FRG2B: variants seen among roughly 807,000 people sequenced by gnomAD.
FRG2B encodes protein FRG2-like-1.
For missense variants in FRG2B, 95 were observed against 310.7 expected (o/e 0.31, Z 5.22); for synonymous variants, 33 against 117.1 (o/e 0.28, Z 4.64).
chr10:133,625,005 A>G lies in FRG2B; in HGVS notation c.*94T>C. On this transcript the variant is annotated 3_prime_UTR_variant, in exon 4 of 4. Coordinates refer to ENST00000425520, the MANE Select transcript of FRG2B (RefSeq NM_001080998.2). ...CATTTATTAACACAGTGTGTCTAAA[A>G]TTGTCACTGCTGGTCATCTGGAAGA... is the stretch of plus-strand genomic sequence containing the variant. 4.8e-6 allele frequency: 2 copies of G among 418,674 alleles called. No homozygotes were observed. The highest frequency in any genetic ancestry group is 3.0e-5 in the South Asian group (1 of 33,494). The allele number at this position is 418,674 out of a possible 1,614,324, so 25.9% of individuals were successfully genotyped here.
In FRG2B at chr10:133,624,783, G is replaced by T. The variant is rs1339355854; in HGVS notation, c.*316C>A. 4.5e-6 allele frequency: 1 copy of T among 224,282 alleles called. No individual in the cohort carries two copies. The highest frequency in any genetic ancestry group is 6.8e-5 in the South Asian group (1 of 14,606). The allele number at this position is 224,282 out of a possible 1,614,324, so 13.9% of individuals were successfully genotyped here. A position where few individuals can be genotyped will look rare whatever the true frequency, so the allele number is the denominator to read the frequency against. ...TTTACTTTTCTACAATCTAAAATAT[G>T]CAAATTCACGATTACATTCTAATGT... On this transcript the variant is annotated 3_prime_UTR_variant, in exon 4 of 4. Transcript: ENST00000425520.
chr10:133,625,352 G>C lies in FRG2B; in HGVS notation c.584C>G (p.Ala195Gly). 1.2e-6 allele frequency: 2 copies of C among 1,602,922 alleles called. No individual in the cohort carries two copies. The highest frequency in any genetic ancestry group is 2.3e-5 in the South Asian group (2 of 88,498). ...AVYQDLAQVW[A>G]QQIHSPLTCE... ...GGTAAGTGGAGAATGGATCTGCTGTGCCCACACCTGGGCTAGGTCTTGATA... is the reference window on the plus strand; with the variant it reads ...GGTAAGTGGAGAATGGATCTGCTGTCCCCACACCTGGGCTAGGTCTTGATA... The change falls in exon 4 of 4, where the codon GCA becomes GGA. Residue 195 changes from alanine (A) to glycine (G), a missense_variant. Physicochemically the swap from Ala to Gly is moderately conservative, Grantham distance 60 (BLOSUM62 0). Coordinates refer to ENST00000425520, the MANE Select transcript of FRG2B (RefSeq NM_001080998.2).
Position 133,625,493 on chromosome 10 carries a change from C to T in FRG2B, c.443G>A (p.Arg148His), listed in dbSNP as rs1296108284. The stretch of plus-strand genomic sequence containing the variant: ...GCTGCGCCCAGTGCAAGCCCTGGAA[C>T]GTCCCCTATGGTGGGCATCACAGGT... ...QETCDAHHRGRSRACTGRSKR... is the reference protein window; with the variant it reads ...QETCDAHHRGHSRACTGRSKR... The change falls in exon 4 of 4, where the codon CGT (arginine) becomes CAT (histidine). Residue 148 changes from arginine to histidine, a missense_variant. By Grantham distance (29) the Arg-to-His change is conservative (BLOSUM62 0). Coordinates refer to ENST00000425520, the MANE Select transcript of FRG2B (RefSeq NM_001080998.2). 8 of 1,611,486 alleles carry T rather than the reference C, an allele frequency of 5.0e-6. No individual in the cohort carries two copies. Among genetic ancestry groups the T allele is most frequent in the South Asian group, 3.3e-5 (3 of 90,486 alleles).
Position 133,625,537 on chromosome 10 carries a change from G to C in FRG2B, c.399C>G (p.His133Gln). Reference sequence around the variant, plus strand: ...CACAGGTCTCCTGGATTTCACTGTTGTGCACAGGAGTGGAGGATCTTGATT... The same window carrying C: ...CACAGGTCTCCTGGATTTCACTGTTCTGCACAGGAGTGGAGGATCTTGATT... Reference protein sequence around the residue: ...NKKSRSSTPVHNSEIQETCDA... With the variant: ...NKKSRSSTPVQNSEIQETCDA... Residue 133 changes from histidine to glutamine, a missense_variant, in exon 4 of 4, where the codon CAC becomes CAG. By Grantham distance (24) the His-to-Gln change is conservative. Transcript: ENST00000425520. 2 of 1,587,730 alleles carry C rather than the reference G, an allele frequency of 1.3e-6. No homozygotes were observed. Among genetic ancestry groups the C allele is most frequent in the Non-Finnish European group, 1.7e-6 (2 of 1,167,572 alleles).
At chr10:133,626,526 C>T in intron 1 of FRG2B, 39 bp downstream of exon 1, 1 of 1,613,868 alleles carries the variant, frequency 6.2e-7, no homozygotes. Flanking sequence ...TGATTCCAAC[C>T]CTCCTTCCAG....
chr10:133,626,780 C>G lies in FRG2B; in HGVS notation c.-38G>C. On this transcript the variant is annotated 5_prime_UTR_variant, in exon 1 of 4. Coordinates refer to ENST00000425520, the MANE Select transcript of FRG2B (RefSeq NM_001080998.2). ...GTGAAAGGTGCGCTCTCTCTCACGT[C>G]CAAAGGCAGAGTGTGGGTTAGTCTG... 6.2e-7 allele frequency: 1 copy of G among 1,601,688 alleles called. No homozygotes were observed. Among genetic ancestry groups the G allele is most frequent in the South Asian group, 1.1e-5 (1 of 88,062 alleles).
In FRG2B at chr10:133,625,456, C is replaced by T. The variant is rs754238969; in HGVS notation, c.480G>A (p.Arg160=). Reference sequence around the variant, plus strand: ...GTGTTTGGACTCCTAGGGCCCGAGACCTATGCCGCTTGCTGCGCCCAGTGC... The same window carrying T: ...GTGTTTGGACTCCTAGGGCCCGAGATCTATGCCGCTTGCTGCGCCCAGTGC... ...RACTGRSKRH[R]SRALGVQTPS... Residue 160 remains arginine, a synonymous_variant, in exon 4 of 4, where the codon AGG becomes AGA. Coordinates refer to ENST00000425520, the MANE Select transcript of FRG2B (RefSeq NM_001080998.2). 5.5e-6 allele frequency: 5 copies of T among 904,432 alleles called. No homozygotes were observed. The South Asian group carries it at 1.2e-4, about 22-fold the overall frequency. 56.0% of individuals were successfully genotyped at this position (904,432 alleles called of 1,614,324 possible). A position where few individuals can be genotyped will look rare whatever the true frequency, so the allele number is the denominator to read the frequency against.
In FRG2B at chr10:133,624,408, C is replaced by A. The variant is rs1852481767; in HGVS notation, c.*691G>T. ...TGGGTTCAGGCTGGAAGAGTGAGAG[C>A]CTACAACCTTTTCTGGATTAAAAGA... On this transcript the variant is annotated 3_prime_UTR_variant, in exon 4 of 4. Transcript: ENST00000425520. 2 of 93,866 alleles carry A rather than the reference C, an allele frequency of 2.1e-5. 1 individual carries two copies. The highest frequency in any genetic ancestry group is 1.5e-4 in the African/African-American group (2 of 13,740). 5.8% of individuals were successfully genotyped at this position (93,866 alleles called of 1,614,324 possible). A position where few individuals can be genotyped will look rare whatever the true frequency, so the allele number is the denominator to read the frequency against.
rs2133676209 is a variant in FRG2B at position 133,624,731 on chromosome 10, A to C, written c.*368T>G. ...ATAGCAAGACTGTCTCAAAAAAAAAAACAAAAAAGGAGCACATAATTTTAT... is the reference window on the plus strand; with the variant it reads ...ATAGCAAGACTGTCTCAAAAAAAAACACAAAAAAGGAGCACATAATTTTAT... On this transcript the variant is annotated 3_prime_UTR_variant, in exon 4 of 4. Transcript: ENST00000425520. The C allele has an allele frequency of 3.7e-6, 1 of 269,954 alleles. No homozygotes were observed. The highest frequency in any genetic ancestry group is 4.4e-5 in the South Asian group (1 of 22,946). The allele number at this position is 269,954 out of a possible 1,614,324, so 16.7% of individuals were successfully genotyped here. A position where few individuals can be genotyped will look rare whatever the true frequency, so the allele number is the denominator to read the frequency against.
Position 133,625,469 on chromosome 10 carries a change from C to CT in FRG2B, c.466dup (p.Ser156LysfsTer5), listed in dbSNP as rs1852493026. On this transcript the variant is annotated frameshift_variant, in exon 4 of 4. Coordinates refer to ENST00000425520, the MANE Select transcript of FRG2B (RefSeq NM_001080998.2). LOFTEE classifies it low-confidence loss of function (END_TRUNC). ...TAGGGCCCGAGACCTATGCCGCTTGCTGCGCCCAGTGCAAGCCCTGGAACG... is the reference window on the plus strand; with the variant it reads ...TAGGGCCCGAGACCTATGCCGCTTGCTTGCGCCCAGTGCAAGCCCTGGAACG... The CT allele has an allele frequency of 6.2e-7, 1 of 1,611,780 alleles. No individual in the cohort carries two copies. Among genetic ancestry groups the CT allele is most frequent in the African/African-American group, 1.3e-5 (1 of 74,362 alleles).
At chr10:133,625,838 T>G (rs1852499322) in intron 3 of FRG2B, 84 bp downstream of exon 3, 1 of 1,094,266 alleles carries the variant, frequency 9.1e-7, no homozygotes, top group African/African-American at 1.6e-5. Context: ...AAGCCTCGTA[T>G]AAAAGTTTCC....
In FRG2B at chr10:133,624,219, A is replaced by C. The variant is rs1852480499; in HGVS notation, c.*880T>G. 1 of 88,056 alleles carries C rather than the reference A, an allele frequency of 1.1e-5. No individual in the cohort carries two copies. The highest frequency in any genetic ancestry group is 1.5e-4 in the Admixed American group (1 of 6,878). 5.5% of individuals were successfully genotyped at this position (88,056 alleles called of 1,614,324 possible). A position where few individuals can be genotyped will look rare whatever the true frequency, so the allele number is the denominator to read the frequency against. On this transcript the variant is annotated 3_prime_UTR_variant, in exon 4 of 4. Coordinates refer to ENST00000425520, the MANE Select transcript of FRG2B (RefSeq NM_001080998.2). ...TGAAACATGAGGCAGGTCAATAAAT[A>C]AGTACAATCATTTACCATTTACTAT...
At position 133,625,555 on chromosome 10, in the gene FRG2B, T is replaced by A; in HGVS notation, c.381A>T (p.Arg127Ser). The stretch of plus-strand genomic sequence containing the variant: ...CACTGTTGTGCACAGGAGTGGAGGA[T>A]CTTGATTTTTTATTCAATGACAAGC... ...ECSLSLNKKSRSSTPVHNSEI... is the reference protein window; with the variant it reads ...ECSLSLNKKSSSSTPVHNSEI... The change falls in exon 4 of 4, where the codon AGA becomes AGT. Residue 127 changes from arginine (R) to serine (S), a missense_variant. Transcript: ENST00000425520. 3 of 1,580,994 alleles carry A rather than the reference T, an allele frequency of 1.9e-6. 1 individual carries two copies. The African/African-American group carries it at 4.2e-5, about 22-fold the overall frequency.
rs768165515 is a variant in FRG2B, at chr10:133,625,353, C to T, written c.583G>A (p.Ala195Thr). ...AVYQDLAQVWAQQIHSPLTCE... is the reference protein window; with the variant it reads ...AVYQDLAQVWTQQIHSPLTCE... ...GTAAGTGGAGAATGGATCTGCTGTG[C>T]CCACACCTGGGCTAGGTCTTGATAA... Residue 195 changes from alanine (A) to threonine (T), a missense_variant, in exon 4 of 4, where the codon GCA becomes ACA. By Grantham distance (58) the Ala-to-Thr change is moderately conservative. Transcript: ENST00000425520. 3.1e-6 allele frequency: 5 copies of T among 1,602,964 alleles called. 1 individual carries two copies. The South Asian group carries it at 5.6e-5, about 18-fold the overall frequency.
At position 133,625,335 on chromosome 10, in the gene FRG2B, G is replaced by C. The variant is rs1852490340; in HGVS notation, c.601C>G (p.Pro201Ala). 2 of 1,594,496 alleles carry C rather than the reference G, an allele frequency of 1.3e-6. No homozygotes were observed. Among genetic ancestry groups the C allele is most frequent in the South Asian group, 2.3e-5 (2 of 86,988 alleles). ...AGTGTCAGCTGCTCACAGGTAAGTG[G>C]AGAATGGATCTGCTGTGCCCACACC... Reference protein sequence around the residue: ...AQVWAQQIHSPLTCEQLTLLT... With the variant: ...AQVWAQQIHSALTCEQLTLLT... Residue 201 changes from proline (P) to alanine (A), a missense_variant, in exon 4 of 4, where the codon CCA becomes GCA. Physicochemically the swap from Pro to Ala is conservative, Grantham distance 27 (BLOSUM62 -1). Coordinates refer to ENST00000425520, the MANE Select transcript of FRG2B (RefSeq NM_001080998.2).
At position 133,624,793 on chromosome 10, in the gene FRG2B, G is replaced by A. The variant is rs1191255804; in HGVS notation, c.*306C>T. Reference sequence around the variant, plus strand: ...TACAATCTAAAATATGCAAATTCACGATTACATTCTAATGTTTTTCTGATT... The same window carrying A: ...TACAATCTAAAATATGCAAATTCACAATTACATTCTAATGTTTTTCTGATT... On this transcript the variant is annotated 3_prime_UTR_variant, in exon 4 of 4. Transcript: ENST00000425520. The A allele has an allele frequency of 6.8e-5, 14 of 205,036 alleles. No individual in the cohort carries two copies. Among genetic ancestry groups the A allele is most frequent in the East Asian group, 1.3e-4 (1 of 7,734 alleles). The allele number at this position is 205,036 out of a possible 1,614,324, so 12.7% of individuals were successfully genotyped here.
In FRG2B at chr10:133,625,613, A is replaced by C. The variant is rs947900064; in HGVS notation, c.332-9T>G. The C allele has an allele frequency of 1.3e-6, 2 of 1,569,814 alleles. No homozygotes were observed. The highest frequency in any genetic ancestry group is 3.4e-4 in the Middle Eastern group (2 of 5,798). ...CTTTTCTGGACAGTTCCCTGCAAAG[A>C]AAGCATGTGAGAGACTCACCAGAGC... On this transcript the variant is annotated splice_polypyrimidine_tract_variant and intron_variant, in intron 3 of 3. Transcript: ENST00000425520.
chr10:133,626,527 C>T (rs761522124), intron 1 of FRG2B, 38 bp downstream of exon 1: 1 of 1,613,874 alleles, frequency 6.2e-7, no homozygotes. Flanking sequence ...GATTCCAACC[C>T]TCCTTCCAGA....
In FRG2B at chr10:133,625,466, T is replaced by A; in HGVS notation, c.470A>T (p.Lys157Met). The A allele has an allele frequency of 1.2e-6, 2 of 1,611,958 alleles. No homozygotes were observed. Among genetic ancestry groups the A allele is most frequent in the Non-Finnish European group, 1.7e-6 (2 of 1,179,476 alleles). ...GRSRACTGRS[K>M]RHRSRALGVQ... ...TCCTAGGGCCCGAGACCTATGCCGC[T>A]TGCTGCGCCCAGTGCAAGCCCTGGA... Residue 157 changes from lysine (K) to methionine (M), a missense_variant, in exon 4 of 4, where the codon AAG becomes ATG. Transcript: ENST00000425520.
Sources: gnomAD v4.1 joint callset for allele counts on GRCh38, gnomAD v4.1.1 for gene constraint, MANE v1.5 for transcripts, NCBI Gene and HGNC (gene_info 2026-07-23, HGNC 2026-07-21) for gene names.